CIMIP6: variants seen among roughly 807,000 people sequenced by gnomAD.
CIMIP6 encodes the protein uncharacterized protein C2orf73.
chr2:54,345,845 C>T, the CIMIP6 span, among the ~76,000 whole-genome samples: 2 of 152,184 alleles, frequency 1.3e-5, no homozygotes, highest in African/African-American at 2.4e-5. Context: ...AAACAGTCAT[C>T]ATCAACAGAA....
the CIMIP6 span, among the ~76,000 whole-genome samples, chr2:54,339,021 C>T: frequency 2.8e-5 from 2 of 70,716 alleles, 1 homozygote; most frequent in Non-Finnish European, 7.3e-5. Flanking sequence ...ATGGGCATGG[C>T]GGTGCGTGCC....
At chr2:54,371,524 C>T in the CIMIP6 span, among the ~76,000 whole-genome samples, 1 of 152,218 alleles carries the variant, frequency 6.6e-6, no homozygotes, top group Non-Finnish European at 1.5e-5. Flanking sequence ...GGGGAAAGGG[C>T]TATACCCCAC....
At chr2:54,357,219 T>C in the CIMIP6 span, among the ~76,000 whole-genome samples, 1 of 152,218 alleles carries the variant, frequency 6.6e-6, no homozygotes, top group African/African-American at 2.4e-5. Context: ...TAACATGTAA[T>C]GTATAAGTAT....
the CIMIP6 span, among the ~76,000 whole-genome samples, chr2:54,379,335 G>T: frequency 6.6e-6 from 1 of 152,128 alleles, no homozygotes; most frequent in Non-Finnish European, 1.5e-5. Flanking sequence ...TTATCCTTTG[G>T]CTTCTATTTT....
chr2:54,381,700 C>G, the CIMIP6 span: 1 of 1,152,552 alleles, frequency 8.7e-7, no homozygotes, highest in Non-Finnish European at 1.1e-6. Context: ...CTCATCCTTT[C>G]ACTCCTGTGC....
the CIMIP6 span, among the ~76,000 whole-genome samples, chr2:54,358,582 T>G: frequency 0.012 from 1,893 of 152,098 alleles, 47 homozygotes; most frequent in African/African-American, 0.043. Flanking sequence ...TTTGTAGAGA[T>G]GGGGTTTCAC....
At chr2:54,341,260 G>T in the CIMIP6 span, among the ~76,000 whole-genome samples, 1 of 152,188 alleles carries the variant, frequency 6.6e-6, no homozygotes, top group African/African-American at 2.4e-5. Flanking sequence ...ACTAGGTCAT[G>T]AAAGCTCCAC....
At chr2:54,364,471 CT>C in the CIMIP6 span, among the ~76,000 whole-genome samples, 1 of 152,182 alleles carries the variant, frequency 6.6e-6, no homozygotes, top group Non-Finnish European at 1.5e-5. Flanking sequence ...ATTTTAAAAT[CT>C]ATTATCTTAT....
At chr2:54,336,476 C>T in the CIMIP6 span, among the ~76,000 whole-genome samples, 6 of 152,174 alleles carry the variant, frequency 3.9e-5, no homozygotes, top group Non-Finnish European at 8.8e-5. Flanking sequence ...GGGCAAGTCA[C>T]GCTAAGCTTC....
the CIMIP6 span, among the ~76,000 whole-genome samples, chr2:54,342,074 T>C: frequency 6.6e-6 from 1 of 152,302 alleles, no homozygotes; most frequent in South Asian, 2.1e-4. Context: ...TTCTGTAATC[T>C]CTGCAGAAAT....
At chr2:54,352,123 T>A in the CIMIP6 span, among the ~76,000 whole-genome samples, 1 of 152,076 alleles carries the variant, frequency 6.6e-6, no homozygotes, top group Non-Finnish European at 1.5e-5. Context: ...TTGATCAAAA[T>A]TTTTTTGACA....
the CIMIP6 span, among the ~76,000 whole-genome samples, chr2:54,362,300 T>G: frequency 6.6e-6 from 1 of 152,130 alleles, no homozygotes; most frequent in Non-Finnish European, 1.5e-5. Flanking sequence ...TACAAAAGAA[T>G]GACTATAATT....
the CIMIP6 span, chr2:54,360,394 A>G: frequency 1.2e-6 from 2 of 1,607,872 alleles, no homozygotes; most frequent in African/African-American, 1.3e-5. Flanking sequence ...AGGAGCTGTT[A>G]GAGCCTAAAA....
At chr2:54,377,886 A>G in the CIMIP6 span, among the ~76,000 whole-genome samples, 4 of 152,214 alleles carry the variant, frequency 2.6e-5, no homozygotes, top group Admixed American at 2.0e-4. Flanking sequence ...TTGTTGTAAA[A>G]AGAAAAAGAT....
chr2:54,359,523 C>G, the CIMIP6 span, among the ~76,000 whole-genome samples: 7 of 152,030 alleles, frequency 4.6e-5, no homozygotes, highest in African/African-American at 1.7e-4. Flanking sequence ...CCCAGCTACT[C>G]TGGAAGCTGA....
At chr2:54,359,932 A>G in the CIMIP6 span, among the ~76,000 whole-genome samples, 1 of 152,260 alleles carries the variant, frequency 6.6e-6, no homozygotes, top group Non-Finnish European at 1.5e-5. Flanking sequence ...CAAATGATAA[A>G]AAAGTTGAGA....
the CIMIP6 span, among the ~76,000 whole-genome samples, chr2:54,351,217 G>A: frequency 2.6e-5 from 4 of 152,130 alleles, no homozygotes; most frequent in African/African-American, 9.7e-5. Context: ...ATTTTAAATT[G>A]CAAGTTTGTT....
At chr2:54,355,929 T>A in the CIMIP6 span, among the ~76,000 whole-genome samples, 1 of 152,192 alleles carries the variant, frequency 6.6e-6, no homozygotes, top group South Asian at 2.1e-4. Flanking sequence ...TTATGGTAGA[T>A]CATATTCCCC....
At chr2:54,341,017 A>T in the CIMIP6 span, among the ~76,000 whole-genome samples, 1 of 152,178 alleles carries the variant, frequency 6.6e-6, no homozygotes, top group African/African-American at 2.4e-5. Flanking sequence ...GCCATTTCCT[A>T]GTGGTTCGCT....
Sources: gnomAD v4.1 joint callset for allele counts (sites outside exome capture counted in the v4.1 genomes callset) on GRCh38, gnomAD v4.1.1 for gene constraint, MANE v1.5 for transcripts, NCBI Gene and HGNC (gene_info 2026-07-23, HGNC 2026-07-21) for gene names.